Variants in PLD5 observed in about 807,000 individuals in gnomAD.
The protein encoded by PLD5 is inactive phospholipase D5.
Under a neutral mutation model 61.1 loss-of-function variants are expected in PLD5, and 36 were observed. The observed-to-expected ratio is 0.59, with a 90% confidence interval of 0.45 to 0.78. PLD5 has a LOEUF of 0.78. Among genes scored for constraint, PLD5 ranks in the 30% least tolerant of loss-of-function variants. The pLI, the probability that PLD5 is intolerant of heterozygous loss-of-function variation, is 0.00. For missense variants in PLD5, 515 were observed against 644.4 expected, an observed-to-expected ratio of 0.80 and a Z score of 2.17; for synonymous variants, 243 against 242.8, an observed-to-expected ratio of 1.00 and a Z score of -0.01.
intron 1 of PLD5, among the ~76,000 whole-genome samples, chr1:242,384,943 C>T (rs756073049): frequency 1.3e-5 from 2 of 152,134 alleles, no homozygotes; most frequent in Non-Finnish European, 2.9e-5. Flanking sequence ...ATCAGTAGGA[C>T]ACATGGCGAA....
chr1:242,173,431 C>G (rs983671781), intron 5 of PLD5, among the ~76,000 whole-genome samples: 2 of 152,186 alleles, frequency 1.3e-5, no homozygotes, highest in African/African-American at 4.8e-5. Flanking sequence ...ACATTCCATG[C>G]TCATGGATAG....
chr1:242,213,359 T>G (rs1163324792), intron 5 of PLD5, among the ~76,000 whole-genome samples: 1 of 152,174 alleles, frequency 6.6e-6, no homozygotes, highest in East Asian at 1.9e-4. Context: ...GTTATTCATT[T>G]TATGGATGAT....
intron 1 of PLD5, among the ~76,000 whole-genome samples, chr1:242,401,191 C>T (rs894784745): frequency 1.3e-5 from 2 of 152,152 alleles, no homozygotes; most frequent in Non-Finnish European, 2.9e-5. Flanking sequence ...GTCTCTTCTA[C>T]TCACATCAAT....
At chr1:242,403,640 AT>A (rs1005273147) in intron 1 of PLD5, among the ~76,000 whole-genome samples, 10 of 146,752 alleles carry the variant, frequency 6.8e-5, no homozygotes, top group South Asian at 2.2e-4. Context: ...AATTTTTTGT[AT>A]TTTTTTTTTA....
chr1:242,241,247 G>A (rs960255203), intron 4 of PLD5, among the ~76,000 whole-genome samples: 3 of 152,048 alleles, frequency 2.0e-5, no homozygotes, highest in Admixed American at 1.3e-4. Context: ...AACATCACCC[G>A]CTAGACAAAG....
At chr1:242,369,363 C>T (rs1661509862) in intron 1 of PLD5, among the ~76,000 whole-genome samples, 1 of 152,002 alleles carries the variant, frequency 6.6e-6, no homozygotes, top group African/African-American at 2.4e-5. Flanking sequence ...TATTTTGACT[C>T]AGAAATTCTA....
rs565052118 is a variant in PLD5 at position 242,280,161 on chromosome 1, T to C, written c.495+8201A>G. ...AGGGGTATAAATTTATAAATCAGAATTAATTTTAATTAATAGATGGGAACA... is the reference window on the plus strand; with the variant it reads ...AGGGGTATAAATTTATAAATCAGAACTAATTTTAATTAATAGATGGGAACA... On this transcript the variant is annotated intron_variant, in intron 3 of 9. Transcript: ENST00000536534. Among the ~76,000 whole-genome samples the C allele has an allele frequency of 3.9e-5, 6 of 152,342 alleles. No individual in the cohort carries two copies. The East Asian group carries it at 1.2e-3, about 29-fold the overall frequency.
intron 3 of PLD5, among the ~76,000 whole-genome samples, chr1:242,287,850 C>T (rs1330720145): frequency 6.6e-6 from 1 of 152,130 alleles, no homozygotes. Flanking sequence ...AAGCATATTT[C>T]TTTTTCCCAT....
chr1:242,511,012 A>C (rs1207160954), intron 1 of PLD5, among the ~76,000 whole-genome samples: 1 of 152,160 alleles, frequency 6.6e-6, no homozygotes, highest in East Asian at 1.9e-4. Flanking sequence ...CTTATGAGAA[A>C]ATATCTTTAA....
At chr1:242,397,239 T>C (rs1225799863) in intron 1 of PLD5, among the ~76,000 whole-genome samples, 1 of 152,146 alleles carries the variant, frequency 6.6e-6, no homozygotes, top group East Asian at 1.9e-4. Context: ...GGGTATCTAC[T>C]AGACACCTCG....
intron 2 of PLD5, among the ~76,000 whole-genome samples, chr1:242,320,823 T>C (rs777763825): frequency 1.3e-5 from 2 of 152,188 alleles, no homozygotes; most frequent in African/African-American, 4.8e-5. Flanking sequence ...TGGGATTTAA[T>C]TGATTTGGGG....
chr1:242,336,859 T>G (rs1659541592), intron 2 of PLD5, among the ~76,000 whole-genome samples: 1 of 152,256 alleles, frequency 6.6e-6, no homozygotes, highest in African/African-American at 2.4e-5. Context: ...ATGAGTTTTG[T>G]AGATTAACCT....
At chr1:242,283,885 A>G (rs1408624675) in intron 3 of PLD5, among the ~76,000 whole-genome samples, 1 of 152,080 alleles carries the variant, frequency 6.6e-6, no homozygotes, top group Admixed American at 6.5e-5. Context: ...AAATCAAAGT[A>G]GCTTTCAGTT....
intron 9 of PLD5, among the ~76,000 whole-genome samples, chr1:242,092,282 G>T (rs906172180): frequency 7.2e-5 from 11 of 151,964 alleles, no homozygotes; most frequent in African/African-American, 2.7e-4. Flanking sequence ...GCAACCACCG[G>T]AACCAGCTTC....
intron 2 of PLD5, among the ~76,000 whole-genome samples, chr1:242,323,357 G>A (rs1658542991): frequency 6.6e-6 from 1 of 151,928 alleles, no homozygotes; most frequent in Admixed American, 6.6e-5. Flanking sequence ...CTCCCTTTAG[G>A]TAACTGTTTT....
At chr1:242,134,915 G>C (rs571824071) in intron 5 of PLD5, among the ~76,000 whole-genome samples, 1 of 152,160 alleles carries the variant, frequency 6.6e-6, no homozygotes, top group Non-Finnish European at 1.5e-5. Context: ...TGGTCTGGAC[G>C]ACCACTGGGC....
At chr1:242,206,425 T>A (rs1319091325) in intron 5 of PLD5, among the ~76,000 whole-genome samples, 1 of 152,202 alleles carries the variant, frequency 6.6e-6, no homozygotes, top group African/African-American at 2.4e-5. Context: ...ACCAACAGGA[T>A]ATGAATACAT....
intron 1 of PLD5, among the ~76,000 whole-genome samples, chr1:242,426,796 T>C (rs146573414): frequency 2.0e-5 from 3 of 152,348 alleles, no homozygotes; most frequent in Non-Finnish European, 4.4e-5. Context: ...ATCTATTTCT[T>C]TTTCTTGGGA....
chr1:242,316,263 C>A (rs372306908), intron 2 of PLD5, among the ~76,000 whole-genome samples: 1 of 152,140 alleles, frequency 6.6e-6, no homozygotes, highest in African/African-American at 2.4e-5. Flanking sequence ...ATTTTGGGGG[C>A]AGCAAATTTT....
Sources: allele counts gnomAD v4.1 joint callset (sites outside exome capture counted in the v4.1 genomes callset), GRCh38; gene constraint gnomAD v4.1.1; transcripts MANE v1.5; gene names NCBI Gene and HGNC (gene_info 2026-07-23, HGNC 2026-07-21).